Variants in PPFIBP1 observed in about 807,000 individuals in gnomAD.
The protein encoded by PPFIBP1 is PPFIB scaffold protein 1.
In PPFIBP1, 112 loss-of-function variants were observed where a neutral mutation model predicts 137.8. The ratio of observed to expected loss-of-function variants is 0.81; its 90% CI spans 0.70 to 0.95. The LOEUF (loss-of-function observed/expected upper bound fraction) is 0.95, where lower values mean the gene tolerates loss of function less well. Ranked by LOEUF, PPFIBP1 falls within the 40% of genes least tolerant of loss-of-function variation. The pLI, the probability that PPFIBP1 is intolerant of heterozygous loss-of-function variation, is 0.00. For missense variants in PPFIBP1, 1,083 were observed against 1,196.6 expected (o/e 0.91, Z 1.40); for synonymous variants, 378 against 417.3 (o/e 0.91, Z 1.15).
At chr12:27,634,865 C>G (rs748654539) in intron 3 of PPFIBP1, 45 bp from the exon 4 acceptor site, 3 of 1,541,512 alleles carry the variant, frequency 1.9e-6, no homozygotes, top group Non-Finnish European at 2.7e-6. Flanking sequence ...GTATTTTTAT[C>G]TAACATAAAT....
chr12:27,616,320 T>A (rs2055750889), intron 2 of PPFIBP1, among the ~76,000 whole-genome samples: 3 of 151,712 alleles, frequency 2.0e-5, no homozygotes, highest in African/African-American at 7.2e-5. Flanking sequence ...ATTTTTTTTT[T>A]TTTTTGGTTC....
At chr12:27,588,651 C>A (rs73078288) in intron 2 of PPFIBP1, among the ~76,000 whole-genome samples, 40,532 of 151,982 alleles carry the variant, frequency 0.27, 5,602 homozygotes, top group Middle Eastern at 0.32. Flanking sequence ...ATCTTTATTG[C>A]TGCAGGTGAG....
intron 1 of PPFIBP1, among the ~76,000 whole-genome samples, chr12:27,549,886 G>A (rs1362279915): frequency 6.6e-6 from 1 of 152,160 alleles, no homozygotes; most frequent in Non-Finnish European, 1.5e-5. Flanking sequence ...TTTTGAAGGC[G>A]AGACCTTGAA....
chr12:27,535,958 A>G (rs66549670), intron 1 of PPFIBP1, among the ~76,000 whole-genome samples: 25,328 of 152,228 alleles, frequency 0.17, 2,372 homozygotes, highest in Middle Eastern at 0.26. Flanking sequence ...CATTTTCAGC[A>G]TAAGTGGTTG....
intron 1 of PPFIBP1, among the ~76,000 whole-genome samples, chr12:27,565,576 C>T (rs2049575069): frequency 6.6e-6 from 1 of 152,146 alleles, no homozygotes; most frequent in Admixed American, 6.6e-5. Flanking sequence ...TTCTCTCTAC[C>T]TTTTATCTGC....
At chr12:27,630,991 G>A (rs1266827575) in intron 2 of PPFIBP1, among the ~76,000 whole-genome samples, 2 of 152,102 alleles carry the variant, frequency 1.3e-5, no homozygotes, top group Non-Finnish European at 2.9e-5. Flanking sequence ...GGTTGTAGGA[G>A]CCCAGGAATT....
chr12:27,614,448 G>T lies in PPFIBP1; in HGVS notation c.-35-18914G>T, dbSNP rs576903129. Among the ~76,000 whole-genome samples the T allele has an allele frequency of 8.5e-5, 13 of 152,244 alleles. No homozygotes were observed. In the South Asian group the frequency reaches 2.5e-3, roughly 29 times the overall value. ...TTTAACTTTTTGCTTACACATTGAGGCCTTCAGCAAATTAAGAAAAACTTG... is the reference window on the plus strand; with the variant it reads ...TTTAACTTTTTGCTTACACATTGAGTCCTTCAGCAAATTAAGAAAAACTTG... On this transcript the variant is annotated intron_variant, in intron 2 of 29. Transcript: ENST00000228425.
intron 1 of PPFIBP1, among the ~76,000 whole-genome samples, chr12:27,573,610 T>G (rs1308408687): frequency 1.3e-5 from 2 of 152,058 alleles, no homozygotes; most frequent in Admixed American, 6.5e-5. Context: ...ATGTGGAAGG[T>G]CTTTAAAGTC....
chr12:27,670,191 G>T (rs2060093714), intron 13 of PPFIBP1, among the ~76,000 whole-genome samples: 2 of 151,994 alleles, frequency 1.3e-5, no homozygotes, highest in South Asian at 2.1e-4. Context: ...CTCTACAGTT[G>T]TAAAAAATTA....
Position 27,592,714 on chromosome 12 carries a change from C to T in PPFIBP1, c.-36+14475C>T. On this transcript the variant is annotated intron_variant, in intron 2 of 29. Coordinates refer to ENST00000228425, the MANE Select transcript of PPFIBP1 (RefSeq NM_003622.4). Reference sequence around the variant, plus strand: ...TGACAGGATTGAGATCTCTGGAGCACTTGTCCTTTGGCTGGCAGTTGCCTG... The same window carrying T: ...TGACAGGATTGAGATCTCTGGAGCATTTGTCCTTTGGCTGGCAGTTGCCTG... The T allele has an allele frequency of 8.4e-6, 10 of 1,188,620 alleles. No homozygotes were observed. In the South Asian group the frequency reaches 1.2e-4, roughly 15 times the overall value. 73.6% of individuals were successfully genotyped at this position (1,188,620 alleles called of 1,614,324 possible). A position where few individuals can be genotyped will look rare whatever the true frequency, so the allele number is the denominator to read the frequency against.
chr12:27,647,152 C>T (rs1476457085), intron 5 of PPFIBP1, among the ~76,000 whole-genome samples: 3 of 152,168 alleles, frequency 2.0e-5, no homozygotes, highest in Non-Finnish European at 4.4e-5. Context: ...CAGGCACATG[C>T]CCCCACAGCC....
At chr12:27,551,789 G>A (rs1946804954) in intron 1 of PPFIBP1, among the ~76,000 whole-genome samples, 1 of 152,232 alleles carries the variant, frequency 6.6e-6, no homozygotes, top group African/African-American at 2.4e-5. Context: ...GCTAAAGGAT[G>A]TGAAGATTGT....
At chr12:27,652,128 C>T (rs2058911703) in intron 7 of PPFIBP1, among the ~76,000 whole-genome samples, 1 of 152,132 alleles carries the variant, frequency 6.6e-6, no homozygotes, top group Admixed American at 6.5e-5. Context: ...TTATCGTCCC[C>T]TTAATAAAAA....
intron 19 of PPFIBP1, among the ~76,000 whole-genome samples, chr12:27,678,871 A>AAAAAAAAAAAC: frequency 6.8e-6 from 1 of 147,570 alleles, no homozygotes; most frequent in Admixed American, 6.8e-5. Flanking sequence ...AAAAAAAAAA[A>AAAAAAAAAAAC]AAAAAAAAAA....
chr12:27,674,023 C>A (rs1231415925), intron 16 of PPFIBP1, among the ~76,000 whole-genome samples, 169 bp from the exon 17 acceptor site: 1 of 151,762 alleles, frequency 6.6e-6, no homozygotes, highest in African/African-American at 2.4e-5. Flanking sequence ...GTATGTAAAA[C>A]CAAAAATGGA....
At chr12:27,628,943 G>T (rs1262054179) in intron 2 of PPFIBP1, among the ~76,000 whole-genome samples, 1 of 152,144 alleles carries the variant, frequency 6.6e-6, no homozygotes, top group Non-Finnish European at 1.5e-5. Context: ...ATCAGAATTT[G>T]CTCTTTCTAG....
intron 27 of PPFIBP1, 65 bp downstream of exon 27, chr12:27,689,268 G>T (rs1173525388): frequency 1.2e-5 from 17 of 1,447,674 alleles, no homozygotes; most frequent in Non-Finnish European, 1.6e-5. Context: ...TCGGTTACCT[G>T]GTTATTCTGT....
At chr12:27,616,443 G>A (rs183287324) in intron 2 of PPFIBP1, among the ~76,000 whole-genome samples, 13 of 151,860 alleles carry the variant, frequency 8.6e-5, no homozygotes, top group Admixed American at 3.9e-4. Flanking sequence ...GGAGGGGACC[G>A]TGGAGCAGAC....
chr12:27,691,384 TG>T lies in PPFIBP1; in HGVS notation c.2686-362del, dbSNP rs1436565549. On this transcript the variant is annotated intron_variant, in intron 27 of 29. Coordinates refer to ENST00000228425, the MANE Select transcript of PPFIBP1 (RefSeq NM_003622.4). ...TGAGCCCAGGAGTTTGAGGCCAGCC[TG>T]GGCAACATAGCAAGATTCTGTCTCT... Among the ~76,000 whole-genome samples the T allele has an allele frequency of 2.0e-5, 3 of 152,110 alleles. 1 individual carries two copies. In the Middle Eastern group the frequency reaches 0.01, roughly 517 times the overall value.
Sources: allele counts gnomAD v4.1 joint callset (sites outside exome capture counted in the v4.1 genomes callset), GRCh38; gene constraint gnomAD v4.1.1; transcripts MANE v1.5; gene names NCBI Gene and HGNC (gene_info 2026-07-23, HGNC 2026-07-21).